IMMT: variants seen among roughly 807,000 people sequenced by gnomAD.
IMMT encodes the protein inner membrane mitochondrial protein, also known as MICOS complex subunit MIC60.
In IMMT, 40 loss-of-function variants were observed where a neutral mutation model predicts 92.7. The observed-to-expected ratio is 0.43, with a 90% CI of 0.34 to 0.56. The LOEUF (loss-of-function observed/expected upper bound fraction) is 0.56, where lower values mean the gene tolerates loss of function less well. IMMT is among the 20% of genes least tolerant of loss of function. The pLI, the probability that IMMT is intolerant of heterozygous loss-of-function variation, is 0.03. For missense variants in IMMT, 831 were observed against 912.1 expected (o/e 0.91, Z 1.14); for synonymous variants, 322 against 336.1 (o/e 0.96, Z 0.46).
intron 12 of IMMT, among the ~76,000 whole-genome samples, chr2:86,148,539 G>A (rs1675216666): frequency 6.6e-6 from 1 of 152,164 alleles, no homozygotes; most frequent in Non-Finnish European, 1.5e-5. Flanking sequence ...GTGAACCGAG[G>A]AGGCAGAGCT....
chr2:86,164,729 A>G (rs1676552469), intron 7 of IMMT, among the ~76,000 whole-genome samples: 1 of 150,266 alleles, frequency 6.7e-6, no homozygotes, highest in South Asian at 2.1e-4. Context: ...GTTGGGCCAC[A>G]TGAACTGACC....
chr2:86,157,693 C>G (rs1486514880), intron 10 of IMMT, among the ~76,000 whole-genome samples: 2 of 149,344 alleles, frequency 1.3e-5, no homozygotes, highest in Admixed American at 6.9e-5. Context: ...TAGGCTGAGG[C>G]AGGAGAATTG....
intron 1 of IMMT, among the ~76,000 whole-genome samples, chr2:86,192,398 A>T (rs1431645181): frequency 6.6e-6 from 1 of 152,198 alleles, no homozygotes; most frequent in African/African-American, 2.4e-5. Flanking sequence ...ACTTGAGCCC[A>T]GAAGCTGAAG....
chr2:86,178,216 G>A, intron 3 of IMMT, among the ~76,000 whole-genome samples: 1 of 151,798 alleles, frequency 6.6e-6, no homozygotes, highest in South Asian at 2.1e-4. Context: ...TACTCAGGAG[G>A]CTGAGGCAGG....
At chr2:86,148,536 G>C (rs534338802) in intron 12 of IMMT, among the ~76,000 whole-genome samples, 4 of 152,066 alleles carry the variant, frequency 2.6e-5, no homozygotes, top group South Asian at 2.1e-4. Flanking sequence ...GGCGTGAACC[G>C]AGGAGGCAGA....
rs148235191 is a variant in IMMT at position 86,191,630 on chromosome 2, G to A, written c.45+3708C>T. 6.9e-3 allele frequency among the ~76,000 whole-genome samples: 1,046 copies of A among 151,918 alleles called. 15 individuals are homozygous for A. Among genetic ancestry groups the A allele is most frequent in the African/African-American group, 0.023 (959 of 41,400 alleles). On this transcript the variant is annotated intron_variant, in intron 1 of 14. Coordinates refer to ENST00000410111, the MANE Select transcript of IMMT (RefSeq NM_006839.3). ...CTTACAATAAATCTTTCAGCCAGGCGCGGTGGCTCACGCCTGTAATCCCAG... is the reference window on the plus strand; with the variant it reads ...CTTACAATAAATCTTTCAGCCAGGCACGGTGGCTCACGCCTGTAATCCCAG...
At position 86,151,534 on chromosome 2, in the gene IMMT, C is replaced by A. The variant is rs1675469346; in HGVS notation, c.1178-14G>T. On this transcript the variant is annotated splice_polypyrimidine_tract_variant and intron_variant, in intron 11 of 14. Transcript: ENST00000410111. ...AGAGCTTGTCAGCTAAGCAAAAGAG[C>A]ATGTTAAAATATTAATGATGTCACT... The A allele has an allele frequency of 6.4e-7, 1 of 1,572,778 alleles. No homozygotes were observed.
intron 3 of IMMT, 76 bp downstream of exon 3, chr2:86,179,357 T>C (rs546031324): frequency 5.7e-6 from 7 of 1,226,080 alleles, no homozygotes; most frequent in Non-Finnish European, 7.8e-6. Flanking sequence ...AAAAGACAAC[T>C]GTATTTTCAA....
At chr2:86,163,058 G>C (rs1676408353) in intron 7 of IMMT, among the ~76,000 whole-genome samples, 1 of 152,052 alleles carries the variant, frequency 6.6e-6, no homozygotes, top group African/African-American at 2.4e-5. Context: ...GCCTAGACAG[G>C]GTGCAGTGGC....
chr2:86,162,071 G>C lies in IMMT; in HGVS notation c.801C>G (p.Gly267=), dbSNP rs189100508. ...TGCGCCACTGAGCAGATTTCTTCTC[G>C]CCTGCAATCTAAACAAAAAATTTTA... ...KAAMDNSEIA[G]EKKSAQWRTV... is the part of the protein sequence containing the mutation. Residue 267 remains glycine (G), a synonymous_variant, in exon 8 of 15, where the codon GGC becomes GGG. Transcript: ENST00000410111. 6.2e-5 allele frequency: 98 copies of C among 1,580,430 alleles called. No individual in the cohort carries two copies. In the Admixed American group the frequency reaches 1.7e-3, roughly 27 times the overall value.
chr2:86,167,081 G>C (rs1378635778), intron 6 of IMMT, among the ~76,000 whole-genome samples: 1 of 146,290 alleles, frequency 6.8e-6, no homozygotes, highest in Non-Finnish European at 1.5e-5. Flanking sequence ...CTGGGCGACA[G>C]AGCGAGACTC....
chr2:86,164,774 C>T (rs1676556587), intron 7 of IMMT, among the ~76,000 whole-genome samples: 1 of 151,104 alleles, frequency 6.6e-6, no homozygotes, highest in African/African-American at 2.4e-5. Flanking sequence ...ATGTCAATGA[C>T]ATATCTGGGG....
intron 10 of IMMT, among the ~76,000 whole-genome samples, chr2:86,154,304 C>G (rs1283564362): frequency 2.0e-5 from 3 of 151,956 alleles, no homozygotes; most frequent in African/African-American, 7.3e-5. Flanking sequence ...TCCCAAGTAG[C>G]TGGGACTACA....
At chr2:86,191,187 A>G (rs1239421408) in intron 1 of IMMT, among the ~76,000 whole-genome samples, 1 of 151,674 alleles carries the variant, frequency 6.6e-6, no homozygotes, top group African/African-American at 2.4e-5. Context: ...AGAAAAAAAA[A>G]TACAAAAGTT....
chr2:86,156,615 G>T (rs140901237), intron 10 of IMMT, among the ~76,000 whole-genome samples: 3,714 of 138,852 alleles, frequency 0.027, 180 homozygotes, highest in African/African-American at 0.091. Context: ...AAAAAAAAAA[G>T]TTTTGCGATA....
At chr2:86,145,848 T>C (rs1225063232) in intron 14 of IMMT, among the ~76,000 whole-genome samples, 1 of 152,144 alleles carries the variant, frequency 6.6e-6, no homozygotes, top group East Asian at 1.9e-4. Context: ...ACTGGGTAAA[T>C]AGCCTTGTAA....
chr2:86,185,969 T>C (rs577587960), intron 1 of IMMT, among the ~76,000 whole-genome samples: 1 of 152,298 alleles, frequency 6.6e-6, no homozygotes, highest in East Asian at 1.9e-4. Context: ...ATTTTACACT[T>C]GTTATGGAAT....
intron 7 of IMMT, among the ~76,000 whole-genome samples, chr2:86,162,335 A>C (rs1319087136): frequency 7.6e-6 from 1 of 132,348 alleles, no homozygotes; most frequent in African/African-American, 3.0e-5. Flanking sequence ...TTTTCTAAGG[A>C]GAGTTGTTTT....
intron 13 of IMMT, among the ~76,000 whole-genome samples, 199 bp from the exon 14 acceptor site, chr2:86,146,396 G>T (rs185085093): frequency 2.5e-3 from 381 of 150,594 alleles, no homozygotes; most frequent in Non-Finnish European, 4.7e-3. Context: ...TTTTGAGATG[G>T]AATCTTGCTT....
Sources: allele counts gnomAD v4.1 joint callset (sites outside exome capture counted in the v4.1 genomes callset), GRCh38; gene constraint gnomAD v4.1.1; transcripts MANE v1.5; gene names NCBI Gene and HGNC (gene_info 2026-07-23, HGNC 2026-07-21).